Variants in MDGA2 observed in about 807,000 individuals in gnomAD.
MDGA2 encodes MAM domain-containing glycosylphosphatidylinositol anchor protein 2.
MDGA2 carries 40 observed loss-of-function variants against 117.8 expected under a neutral mutation model. The observed-to-expected ratio is 0.34, with a 90% CI of 0.26 to 0.44. The LOEUF (loss-of-function observed/expected upper bound fraction) is 0.44, where lower values mean the gene tolerates loss of function less well. Ranked by LOEUF, MDGA2 falls within the 20% of genes least tolerant of loss-of-function variation. MDGA2 has a pLI of 1.00. For missense variants in MDGA2, 1,123 were observed against 1,250.6 expected (o/e 0.90, Z 1.54); for synonymous variants, 452 against 439.0 (o/e 1.03, Z -0.37).
intron 1 of MDGA2, among the ~76,000 whole-genome samples, chr14:47,451,626 T>C (rs984500415): frequency 7.9e-5 from 12 of 152,064 alleles, no homozygotes; most frequent in African/African-American, 2.4e-4. Flanking sequence ...TACGTAGTAA[T>C]AAAGACAGTT....
chr14:47,179,918 T>G (rs935526497), intron 3 of MDGA2, among the ~76,000 whole-genome samples: 3 of 152,212 alleles, frequency 2.0e-5, no homozygotes, highest in Non-Finnish European at 2.9e-5. Context: ...TAGTGACTGT[T>G]TTGGGATTGT....
chr14:47,593,378 T>C (rs1896477712), intron 1 of MDGA2, among the ~76,000 whole-genome samples: 1 of 152,210 alleles, frequency 6.6e-6, no homozygotes, highest in African/African-American at 2.4e-5. Flanking sequence ...ATCCCATTAC[T>C]GGGTGTATAC....
At chr14:46,938,040 A>G (rs1884845501) in intron 9 of MDGA2, among the ~76,000 whole-genome samples, 1 of 152,330 alleles carries the variant, frequency 6.6e-6, no homozygotes, top group African/African-American at 2.4e-5. Context: ...AAATATTTGC[A>G]AACTATTCAT....
chr14:47,602,268 T>C (rs1171274987), intron 1 of MDGA2, among the ~76,000 whole-genome samples: 1 of 152,052 alleles, frequency 6.6e-6, no homozygotes, highest in Non-Finnish European at 1.5e-5. Flanking sequence ...CATTCTAAAA[T>C]CCAAAAACAC....
intron 10 of MDGA2, among the ~76,000 whole-genome samples, chr14:46,882,615 C>T (rs1487111402): frequency 6.6e-6 from 1 of 151,098 alleles, no homozygotes; most frequent in Non-Finnish European, 1.5e-5. Context: ...GCATATATAA[C>T]TGTTCCCATA....
At chr14:47,259,343 T>C (rs973588386) in intron 2 of MDGA2, among the ~76,000 whole-genome samples, 1 of 152,186 alleles carries the variant, frequency 6.6e-6, no homozygotes, top group East Asian at 1.9e-4. Flanking sequence ...TCTACTTGCA[T>C]ACCCTTGTTT....
At chr14:47,343,503 A>T (rs1050640608) in intron 1 of MDGA2, among the ~76,000 whole-genome samples, 2 of 152,076 alleles carry the variant, frequency 1.3e-5, no homozygotes, top group Non-Finnish European at 2.9e-5. Context: ...TTTTTCCCTT[A>T]ATGGTTTTCA....
chr14:47,405,003 A>G (rs571732794), intron 1 of MDGA2, among the ~76,000 whole-genome samples: 6 of 152,204 alleles, frequency 3.9e-5, no homozygotes, highest in Non-Finnish European at 5.9e-5. Flanking sequence ...AAAGTAATTT[A>G]TAAGTTTTGG....
chr14:47,456,974 T>C (rs546517113), intron 1 of MDGA2, among the ~76,000 whole-genome samples: 46 of 152,150 alleles, frequency 3.0e-4, no homozygotes, highest in Non-Finnish European at 4.9e-4. Flanking sequence ...TTAATCAGTA[T>C]AATAAGATCT....
chr14:47,454,739 G>C (rs919552384), intron 1 of MDGA2, among the ~76,000 whole-genome samples: 2 of 152,168 alleles, frequency 1.3e-5, no homozygotes, highest in African/African-American at 2.4e-5. Flanking sequence ...AAACCTGAAA[G>C]TGTGTTGAAT....
intron 1 of MDGA2, among the ~76,000 whole-genome samples, chr14:47,508,352 A>ACTCTCTCTCTCTCTCT (rs3039658): frequency 0.01 from 1,332 of 132,774 alleles, 25 homozygotes; most frequent in East Asian, 0.016. Flanking sequence ...TTGCTGATTG[A>ACTCTCTCTCTCTCTCT]CTCTCTCTCT....
chr14:47,096,592 C>A (rs1027169179), intron 6 of MDGA2, among the ~76,000 whole-genome samples: 1 of 151,798 alleles, frequency 6.6e-6, no homozygotes, highest in African/African-American at 2.4e-5. Flanking sequence ...TTTTAGCTAA[C>A]AACATATTAT....
chr14:47,402,072 C>G (rs1412670594), intron 1 of MDGA2, among the ~76,000 whole-genome samples: 1 of 152,136 alleles, frequency 6.6e-6, no homozygotes, highest in Non-Finnish European at 1.5e-5. Flanking sequence ...AGGAGAAATA[C>G]TTAAGACTTT....
chr14:47,631,959 T>A (rs1897254633), intron 1 of MDGA2, among the ~76,000 whole-genome samples: 1 of 151,888 alleles, frequency 6.6e-6, no homozygotes, highest in South Asian at 2.1e-4. Flanking sequence ...CATCCGCTAT[T>A]GTTAGTGTTA....
At chr14:46,922,835 A>G (rs1884182577) in intron 9 of MDGA2, among the ~76,000 whole-genome samples, 2 of 152,212 alleles carry the variant, frequency 1.3e-5, no homozygotes, top group Admixed American at 6.5e-5. Flanking sequence ...TCCAACAGCC[A>G]GGATCTCTCT....
chr14:47,181,879 T>C (rs1191534308), intron 3 of MDGA2, among the ~76,000 whole-genome samples: 2 of 152,188 alleles, frequency 1.3e-5, no homozygotes, highest in African/African-American at 4.8e-5. Flanking sequence ...ATTAACTAAC[T>C]TATGTGACAT....
intron 2 of MDGA2, among the ~76,000 whole-genome samples, chr14:47,277,901 C>A (rs1212878110): frequency 2.0e-5 from 3 of 152,214 alleles, no homozygotes; most frequent in African/African-American, 7.2e-5. Flanking sequence ...GTAAGAATTT[C>A]TTTACCATCA....
chr14:47,069,272 G>A (rs1021397827), intron 6 of MDGA2, among the ~76,000 whole-genome samples: 5 of 152,140 alleles, frequency 3.3e-5, no homozygotes, highest in Admixed American at 2.6e-4. Flanking sequence ...ATTCATGTTT[G>A]TATTATTTAC....
chr14:47,400,155 C>T (rs1429567280), intron 1 of MDGA2, among the ~76,000 whole-genome samples: 2 of 152,072 alleles, frequency 1.3e-5, no homozygotes, highest in Non-Finnish European at 2.9e-5. Context: ...TACTGCAGCA[C>T]GCATATTCCT....
Sources: allele counts gnomAD v4.1 joint callset (sites outside exome capture counted in the v4.1 genomes callset), GRCh38; gene constraint gnomAD v4.1.1; transcripts MANE v1.5; gene names NCBI Gene and HGNC (gene_info 2026-07-23, HGNC 2026-07-21).